The following DNMBP variants were observed in gnomAD, a reference collection of about 807,000 sequenced individuals.
The protein encoded by DNMBP is dynamin binding protein, also known as dynamin-binding protein.
In DNMBP, 87 loss-of-function variants were observed where a neutral mutation model predicts 150.0. That is an observed-to-expected ratio of 0.58 (90% CI 0.49 to 0.69). DNMBP has a LOEUF of 0.69. Among genes scored for constraint, DNMBP ranks in the 30% least tolerant of loss-of-function variants. The probability of loss-of-function intolerance (pLI) is 0.00; values close to 1 mark genes in which losing one functional copy is unlikely to be tolerated. For synonymous variants in DNMBP, 711 were observed against 750.4 expected (o/e 0.95, Z 0.86); for missense variants, 1,774 against 1,949.0 (o/e 0.91, Z 1.69).
At chr10:99,907,153 C>T (rs2039836383) in intron 6 of DNMBP, among the ~76,000 whole-genome samples, 1 of 151,534 alleles carries the variant, frequency 6.6e-6, no homozygotes, top group Non-Finnish European at 1.5e-5. Flanking sequence ...AAAACTCCAT[C>T]TCTACAAAAA....
In DNMBP at chr10:99,972,062, C is replaced by G. The variant is rs1440323152; in HGVS notation, c.63G>C (p.Leu21=). The change falls in exon 2 of 17, where the codon CTG becomes CTC. Residue 21 remains leucine (L), a synonymous_variant. Transcript: ENST00000324109. ...FDFCPSVSEE[L]PLFVGDIIEV... ...CAATAATATCTCCCACAAAGAGCGG[C>G]AGTTCTTCTGATACGCTAGGGCAGA... The G allele has an allele frequency of 6.2e-7, 1 of 1,613,998 alleles. No individual in the cohort carries two copies. Among genetic ancestry groups the G allele is most frequent in the Admixed American group, 1.7e-5 (1 of 59,998 alleles).
chr10:99,980,342 G>A (rs2040769152), intron 1 of DNMBP, among the ~76,000 whole-genome samples: 1 of 151,824 alleles, frequency 6.6e-6, no homozygotes, highest in African/African-American at 2.4e-5. Context: ...AGCTACTCAA[G>A]AGGCTGAGGC....
chr10:99,960,217 T>C (rs1051454067), intron 3 of DNMBP, among the ~76,000 whole-genome samples: 2 of 152,242 alleles, frequency 1.3e-5, no homozygotes, highest in African/African-American at 4.8e-5. Flanking sequence ...ACTCTAATTT[T>C]ATCAACTGTT....
chr10:99,878,306 G>A (rs1310005751), intron 16 of DNMBP, among the ~76,000 whole-genome samples: 1 of 152,174 alleles, frequency 6.6e-6, no homozygotes, highest in Non-Finnish European at 1.5e-5. Flanking sequence ...AGGAGGAGAA[G>A]CCATGAGGCC....
chr10:99,955,925 TGGAGTAAACAC>T lies in DNMBP; in HGVS notation c.1538_1548del (p.Ser513AsnfsTer31). On this transcript the variant is annotated frameshift_variant, in exon 4 of 17. Coordinates refer to ENST00000324109, the MANE Select transcript of DNMBP (RefSeq NM_015221.4). LOFTEE classifies it high-confidence loss of function. ...GGCTTCATCTCCAATCTCTCTGAGA[TGGAGTAAACAC>T]TGGACGTGTGGTGCTTTTTAGTATA... The T allele has an allele frequency of 6.2e-7, 1 of 1,614,140 alleles. No individual in the cohort carries two copies. The highest frequency in any genetic ancestry group is 8.5e-7 in the Non-Finnish European group (1 of 1,179,998).
intron 4 of DNMBP, among the ~76,000 whole-genome samples, chr10:99,917,651 TATCA>T (rs1469472878): frequency 3.3e-5 from 5 of 152,190 alleles, no homozygotes; most frequent in African/African-American, 1.2e-4. Flanking sequence ...TTTCCTGACC[TATCA>T]ATCCCTATAA....
chr10:99,930,724 C>T (rs746119672), intron 4 of DNMBP: 1 of 685,028 alleles, frequency 1.5e-6, no homozygotes, highest in South Asian at 1.6e-5. Context: ...CTTTTCTCCT[C>T]CACTTCCCTT....
chr10:99,949,911 T>C (rs1265741917), intron 4 of DNMBP, among the ~76,000 whole-genome samples: 1 of 152,136 alleles, frequency 6.6e-6, no homozygotes, highest in Admixed American at 6.5e-5. Context: ...AGACATAACA[T>C]TTTCCATGGA....
rs2039653504 is a variant in DNMBP, at chr10:99,896,366, G to A, written c.2952C>T (p.Ser984=). The part of the protein sequence containing the change: ...VLKYRKGDED[S]LMEKISKLNI... ...TCAGTTTGGAAATTTTCTCCATAAG[G>A]CTATCTTCATCACCCTTACGGTACT... The change falls in exon 10 of 17, where the codon AGC becomes AGT. Residue 984 remains serine (S), a synonymous_variant. Transcript: ENST00000324109. 4 of 1,614,104 alleles carry A rather than the reference G, an allele frequency of 2.5e-6. No individual in the cohort carries two copies. The highest frequency in any genetic ancestry group is 1.3e-5 in the African/African-American group (1 of 75,020).
At chr10:99,942,623 G>A (rs2040312666) in intron 4 of DNMBP, among the ~76,000 whole-genome samples, 1 of 152,136 alleles carries the variant, frequency 6.6e-6, no homozygotes, top group Non-Finnish European at 1.5e-5. Context: ...CCTGTGCCTC[G>A]AGCTGAGAGT....
chr10:99,968,688 C>G (rs1393380047), intron 3 of DNMBP, among the ~76,000 whole-genome samples: 1 of 109,304 alleles, frequency 9.1e-6, no homozygotes, highest in East Asian at 3.1e-4. Flanking sequence ...ACTACTGTCT[C>G]AAAAAAAAAA....
intron 3 of DNMBP, among the ~76,000 whole-genome samples, chr10:99,962,303 T>A (rs932099149): frequency 2.0e-5 from 3 of 152,212 alleles, no homozygotes; most frequent in Non-Finnish European, 4.4e-5. Context: ...CTTTAACTTA[T>A]GATTCCCTAT....
intron 3 of DNMBP, among the ~76,000 whole-genome samples, chr10:99,958,897 C>T (rs889851266): frequency 6.6e-6 from 1 of 152,190 alleles, no homozygotes; most frequent in Admixed American, 6.5e-5. Flanking sequence ...GCAATTAACT[C>T]GTAAGAAATT....
At chr10:99,911,473 G>C (rs1453372189) in intron 4 of DNMBP, among the ~76,000 whole-genome samples, 1 of 151,868 alleles carries the variant, frequency 6.6e-6, no homozygotes, top group Non-Finnish European at 1.5e-5. Flanking sequence ...AACAGAGCAA[G>C]ACTCCATCTC....
At chr10:99,916,019 T>C (rs1028238838) in intron 4 of DNMBP, among the ~76,000 whole-genome samples, 6 of 152,210 alleles carry the variant, frequency 3.9e-5, no homozygotes, top group Non-Finnish European at 7.3e-5. Flanking sequence ...TGGTAGCTAA[T>C]AGCAAAGTGG....
rs1260177354 is a variant in DNMBP, at chr10:99,941,845, G to A, written c.2260+13369C>T. On this transcript the variant is annotated intron_variant, in intron 4 of 16. Transcript: ENST00000324109. ...TCTAACTCAAAATATGCTGAGAGCT[G>A]AGCACCTCTCATCCCTACTGCTGCC... 3.3e-5 allele frequency among the ~76,000 whole-genome samples: 5 copies of A among 152,134 alleles called. No homozygotes were observed. The East Asian group carries it at 9.6e-4, about 29-fold the overall frequency.
intron 4 of DNMBP, among the ~76,000 whole-genome samples, chr10:99,935,756 GT>G (rs2040223304): frequency 6.6e-6 from 1 of 152,142 alleles, no homozygotes; most frequent in Non-Finnish European, 1.5e-5. Context: ...TAGACACAGG[GT>G]TTCACCATGT....
At chr10:99,984,511 G>A (rs1487864746) in intron 1 of DNMBP, among the ~76,000 whole-genome samples, 1 of 152,204 alleles carries the variant, frequency 6.6e-6, no homozygotes, top group Non-Finnish European at 1.5e-5. Flanking sequence ...TGTGGCTATA[G>A]ATAACAAAGA....
intron 2 of DNMBP, among the ~76,000 whole-genome samples, 153 bp downstream of exon 2, chr10:99,971,827 T>A (rs183739437): frequency 2.6e-5 from 4 of 151,616 alleles, no homozygotes; most frequent in African/African-American, 9.7e-5. Context: ...TGTGCCCAGC[T>A]AGGAATAATT....
Sources: allele counts gnomAD v4.1 joint callset (sites outside exome capture counted in the v4.1 genomes callset), GRCh38; gene constraint gnomAD v4.1.1; transcripts MANE v1.5; gene names NCBI Gene and HGNC (gene_info 2026-07-23, HGNC 2026-07-21).